STIM1: variants seen among roughly 807,000 people sequenced by gnomAD.
STIM1 encodes the protein stromal interaction molecule 1.
A neutral mutation model predicts 74.7 loss-of-function variants in STIM1; 25 were observed. That is an observed-to-expected ratio of 0.33 (90% CI 0.24 to 0.47). STIM1 has a LOEUF of 0.47. Among genes scored for constraint, STIM1 ranks in the 20% least tolerant of loss-of-function variants. The pLI is 1.00. For missense variants in STIM1, 728 were observed against 920.8 expected (o/e 0.79, Z 2.71); for synonymous variants, 328 against 348.8 (o/e 0.94, Z 0.66).
At position 4,061,232 on chromosome 11, in the gene STIM1, G is replaced by A. The variant is rs2133114617; in HGVS notation, c.613+1836G>A. ...GCTAGCATGGGAACCAGAATGCTGG[G>A]GACATGGTACTGGGTCCAGGATATC... On this transcript the variant is annotated intron_variant, in intron 5 of 12. Transcript: ENST00000526596. 1.3e-5 allele frequency among the ~76,000 whole-genome samples: 2 copies of A among 152,290 alleles called. 1 individual carries two copies. The highest frequency in any genetic ancestry group is 2.9e-5 in the Non-Finnish European group (2 of 68,026).
At chr11:3,988,822 A>G (rs2135834805) in intron 2 of STIM1, among the ~76,000 whole-genome samples, 1 of 152,344 alleles carries the variant, frequency 6.6e-6, no homozygotes, top group Middle Eastern at 3.4e-3. Context: ...TGCTGACTCC[A>G]TATTGTCATT....
chr11:4,053,781 A>C (rs1017916988), intron 3 of STIM1, among the ~76,000 whole-genome samples: 3 of 152,148 alleles, frequency 2.0e-5, no homozygotes, highest in Non-Finnish European at 4.4e-5. Context: ...TAGAAAAAAA[A>C]AAATTTTAAT....
intron 1 of STIM1, among the ~76,000 whole-genome samples, chr11:3,915,226 A>G (rs930787961): frequency 6.6e-6 from 1 of 152,038 alleles, no homozygotes; most frequent in Non-Finnish European, 1.5e-5. Flanking sequence ...CACTTTCTTG[A>G]TAATGTCTTT....
intron 1 of STIM1, among the ~76,000 whole-genome samples, chr11:3,871,303 C>T (rs1382839585): frequency 4.6e-5 from 7 of 152,194 alleles, no homozygotes; most frequent in Non-Finnish European, 2.9e-5. Context: ...AGAACTTCCT[C>T]TAGACTAGGG....
intron 2 of STIM1, among the ~76,000 whole-genome samples, chr11:3,976,511 G>C (rs1159857009): frequency 6.6e-6 from 1 of 152,162 alleles, no homozygotes; most frequent in African/African-American, 2.4e-5. Context: ...AAAACTCATG[G>C]AACTATGCGC....
intron 9 of STIM1, 112 bp downstream of exon 9, chr11:4,083,094 T>C: frequency 2.5e-6 from 3 of 1,177,758 alleles, no homozygotes; most frequent in Non-Finnish European, 3.8e-6. Context: ...GGGACAGCTC[T>C]GGTCTCCTGC....
intron 2 of STIM1, among the ~76,000 whole-genome samples, chr11:3,991,864 C>A (rs989892099): frequency 7.2e-6 from 1 of 137,960 alleles, no homozygotes; most frequent in East Asian, 2.4e-4. Flanking sequence ...GCAGGAGAAT[C>A]GTGTGAACCT....
chr11:3,941,878 T>A (rs2093015385), intron 1 of STIM1, among the ~76,000 whole-genome samples: 1 of 151,332 alleles, frequency 6.6e-6, no homozygotes, highest in African/African-American at 2.4e-5. Context: ...AGAGAGAGGG[T>A]CTTATGTTGT....
intron 1 of STIM1, among the ~76,000 whole-genome samples, chr11:3,887,482 A>G (rs2091751548): frequency 6.6e-6 from 1 of 152,200 alleles, no homozygotes; most frequent in African/African-American, 2.4e-5. Context: ...TGGATTTGAT[A>G]TATCAGAGTG....
intron 1 of STIM1, among the ~76,000 whole-genome samples, chr11:3,901,984 T>C (rs2092361191): frequency 1.3e-5 from 2 of 152,188 alleles, no homozygotes; most frequent in Admixed American, 6.5e-5. Flanking sequence ...CCCAGGCTGG[T>C]CTCGAACTCG....
intron 3 of STIM1, among the ~76,000 whole-genome samples, chr11:4,052,116 C>T (rs1019945287): frequency 6.6e-6 from 1 of 152,106 alleles, no homozygotes; most frequent in African/African-American, 2.4e-5. Context: ...AGGACACAAA[C>T]AAATGGAAGA....
chr11:4,084,301 G>A (rs1191979649), intron 10 of STIM1, among the ~76,000 whole-genome samples: 1 of 152,224 alleles, frequency 6.6e-6, no homozygotes, highest in African/African-American at 2.4e-5. Context: ...CAGCGGGAGG[G>A]CAGAAGGCCG....
chr11:3,966,689 G>C (rs915615200), intron 1 of STIM1, among the ~76,000 whole-genome samples: 5 of 152,182 alleles, frequency 3.3e-5, no homozygotes, highest in Non-Finnish European at 7.4e-5. Flanking sequence ...TTTTCAAATA[G>C]TGACCTTGAG....
chr11:4,012,316 G>T (rs2093845866), intron 2 of STIM1, among the ~76,000 whole-genome samples: 1 of 152,208 alleles, frequency 6.6e-6, no homozygotes, highest in Non-Finnish European at 1.5e-5. Context: ...ACCTTGGGCA[G>T]TGTGGCCATT....
At chr11:3,997,401 G>A (rs755025927) in intron 2 of STIM1, among the ~76,000 whole-genome samples, 5 of 152,308 alleles carry the variant, frequency 3.3e-5, no homozygotes, top group Non-Finnish European at 7.3e-5. Flanking sequence ...TGCACCTGTA[G>A]TACCAGCTAC....
intron 1 of STIM1, among the ~76,000 whole-genome samples, chr11:3,861,454 T>A (rs983607737): frequency 6.6e-6 from 1 of 152,122 alleles, no homozygotes; most frequent in Non-Finnish European, 1.5e-5. Context: ...CAGGATGGTC[T>A]TGATCTCCTG....
chr11:4,041,430 T>C (rs866090160), intron 3 of STIM1, among the ~76,000 whole-genome samples: 1 of 152,144 alleles, frequency 6.6e-6, no homozygotes, highest in Non-Finnish European at 1.5e-5. Context: ...TTTACACTTA[T>C]AGTATGCTAG....
chr11:3,874,073 C>T (rs1033901886), intron 1 of STIM1, among the ~76,000 whole-genome samples: 4 of 152,090 alleles, frequency 2.6e-5, no homozygotes, highest in African/African-American at 9.7e-5. Flanking sequence ...TCCTGGGGAG[C>T]TGAGGAGTGG....
chr11:3,894,927 T>TC (rs1226537844), intron 1 of STIM1, among the ~76,000 whole-genome samples: 1 of 150,450 alleles, frequency 6.6e-6, no homozygotes, highest in Non-Finnish European at 1.5e-5. Flanking sequence ...TTTTTTTTTT[T>TC]TAGTAGAGAC....
Sources: allele counts gnomAD v4.1 joint callset (sites outside exome capture counted in the v4.1 genomes callset), GRCh38; gene constraint gnomAD v4.1.1; transcripts MANE v1.5; gene names NCBI Gene and HGNC (gene_info 2026-07-23, HGNC 2026-07-21).